Variants in RIC3 observed in about 807,000 individuals in gnomAD.
RIC3 encodes protein RIC-3.
RIC3 carries 28 observed loss-of-function variants against 27.3 expected under a neutral mutation model. That is an observed-to-expected ratio of 1.02 (90% CI 0.76 to 1.41). RIC3 has a LOEUF of 1.41. Ranked by LOEUF, RIC3 falls within the 40% of genes most tolerant of loss-of-function variation. RIC3 has a pLI of 0.00. For missense variants in RIC3, 501 were observed against 444.7 expected (o/e 1.13, Z -1.14); for synonymous variants, 184 against 160.4 (o/e 1.15, Z -1.11).
Position 8,145,879 on chromosome 11 carries a change from T to C in RIC3, c.125-5686A>G, listed in dbSNP as rs116067261. ...AATAGAAATAAAAAAATTGTTGGAT[T>C]TGACTTGAACAAAATTGACAAAGAT... is the stretch of plus-strand genomic sequence containing the variant. On this transcript the variant is annotated intron_variant, in intron 1 of 5. Transcript: ENST00000309737. 7.4e-3 allele frequency among the ~76,000 whole-genome samples: 1,124 copies of C among 152,268 alleles called. 15 individuals carry two copies. Among genetic ancestry groups the C allele is most frequent in the African/African-American group, 0.025 (1,046 of 41,554 alleles).
At position 8,162,030 on chromosome 11, in the gene RIC3, A is replaced by C. The variant is rs530767301; in HGVS notation, c.124+6836T>G. Among the ~76,000 whole-genome samples, 29 of 142,278 alleles carry C rather than the reference A, an allele frequency of 2.0e-4. No individual in the cohort carries two copies. The South Asian group carries it at 6.8e-3, about 33-fold the overall frequency. 93.3% of individuals were successfully genotyped at this position (142,278 alleles called of 152,430 possible). ...GGTAATGTCCGAAACTGTTGCTATA[A>C]ATGAGACACTCACTTTCTCCGGGCA... is the stretch of plus-strand genomic sequence containing the variant. On this transcript the variant is annotated intron_variant, in intron 1 of 5. Coordinates refer to ENST00000309737, the MANE Select transcript of RIC3 (RefSeq NM_001206671.4).
chr11:8,138,609 A>C (rs567274373), intron 2 of RIC3: 2 of 416,826 alleles, frequency 4.8e-6, no homozygotes, highest in East Asian at 8.2e-5. Flanking sequence ...AATTAGGAAT[A>C]GTAACTTCTC....
intron 1 of RIC3, 33 bp from the exon 2 acceptor site, chr11:8,140,226 T>C (rs1948897948): frequency 6.3e-7 from 1 of 1,579,252 alleles, no homozygotes; most frequent in African/African-American, 1.4e-5. Context: ...TTATCTCTTC[T>C]ACTATTTTAA....
intron 1 of RIC3, among the ~76,000 whole-genome samples, chr11:8,148,231 G>C (rs1758305880): frequency 6.6e-6 from 1 of 151,322 alleles, no homozygotes; most frequent in Non-Finnish European, 1.5e-5. Flanking sequence ...TAGAGACTGG[G>C]TCAGCAACAG....
At chr11:8,104,355 C>T (rs1355907487), downstream of RIC3, 3 of 152,320 alleles carry the variant, frequency 2.0e-5, no homozygotes, top group Non-Finnish European at 2.9e-5. Flanking sequence ...TGGTGAAGTT[C>T]ACTTCCCCAA....
chr11:8,150,607 A>G (rs562811580), intron 1 of RIC3, among the ~76,000 whole-genome samples: 6 of 152,218 alleles, frequency 3.9e-5, no homozygotes, highest in Non-Finnish European at 5.9e-5. Context: ...CCAATACCAA[A>G]AGGCTGGAAG....
chr11:8,147,397 A>G (rs1949803899), intron 1 of RIC3, among the ~76,000 whole-genome samples: 1 of 152,126 alleles, frequency 6.6e-6, no homozygotes. Flanking sequence ...GTTCACACTT[A>G]TCAGACTTAA....
chr11:8,096,645 T>C, the RIC3 span: 1 of 1,377,922 alleles, frequency 7.3e-7, no homozygotes, highest in Non-Finnish European at 1.0e-6. Context: ...CAGCGTAGAC[T>C]TCTCCTCCTT....
At chr11:8,159,600 T>C (rs992647657) in intron 1 of RIC3, among the ~76,000 whole-genome samples, 6 of 152,184 alleles carry the variant, frequency 3.9e-5, no homozygotes, top group African/African-American at 1.4e-4. Context: ...ACTGGTTGAA[T>C]GACCCTAAAC....
At position 8,128,254 on chromosome 11, in the gene RIC3, CAT is replaced by C. The variant is rs200468596; in HGVS notation, c.522-1449_522-1448del. 2,849 of 457,348 alleles carry C rather than the reference CAT, an allele frequency of 6.2e-3. 82 individuals are homozygous for C. The highest frequency in any genetic ancestry group is 0.055 in the Admixed American group (2,347 of 42,556). The allele number at this position is 457,348 out of a possible 1,614,324, so 28.3% of individuals were successfully genotyped here. On this transcript the variant is annotated intron_variant, in intron 4 of 5. Transcript: ENST00000309737. ...CAAACTCTTGTCTCTTCAGGCGGCA[CAT>C]GTTACTTTTCCAGACTGTACGCAGG...
intron 1 of RIC3, among the ~76,000 whole-genome samples, chr11:8,152,926 T>C (rs571937050): frequency 6.6e-6 from 1 of 152,060 alleles, no homozygotes; most frequent in African/African-American, 2.4e-5. Flanking sequence ...TTATATAGAG[T>C]TGATGAGTGA....
intron 4 of RIC3, among the ~76,000 whole-genome samples, chr11:8,132,546 C>T (rs1947863515): frequency 6.6e-6 from 1 of 152,168 alleles, no homozygotes; most frequent in African/African-American, 2.4e-5. Context: ...ACAAGACTGA[C>T]ATTCTAGGTT....
intron 1 of RIC3, among the ~76,000 whole-genome samples, chr11:8,156,133 C>G (rs1232204771): frequency 6.6e-6 from 1 of 152,238 alleles, no homozygotes. Context: ...TCCACACACT[C>G]AATACACATC....
intron 1 of RIC3, among the ~76,000 whole-genome samples, chr11:8,149,086 G>A (rs1267003673): frequency 2.0e-5 from 3 of 151,258 alleles, no homozygotes; most frequent in Non-Finnish European, 4.4e-5. Flanking sequence ...CCAGCTATTC[G>A]GGAGGCTGAG....
At chr11:8,128,321 T>C (rs1368634389) in intron 4 of RIC3, 3 of 455,106 alleles carry the variant, frequency 6.6e-6, no homozygotes, top group African/African-American at 6.0e-5. Flanking sequence ...CTTAATTCTG[T>C]TTCCTAAGTC....
chr11:8,145,549 A>T (rs1254958780), intron 1 of RIC3, among the ~76,000 whole-genome samples: 1 of 152,206 alleles, frequency 6.6e-6, no homozygotes, highest in African/African-American at 2.4e-5. Flanking sequence ...CCAATCAGCT[A>T]TAGCTGAACA....
At chr11:8,137,821 G>A (rs950114209) in intron 3 of RIC3, among the ~76,000 whole-genome samples, 1 of 152,110 alleles carries the variant, frequency 6.6e-6, no homozygotes, top group African/African-American at 2.4e-5. Flanking sequence ...ATAAATTCTT[G>A]AGGAAAGAGC....
intron 1 of RIC3, among the ~76,000 whole-genome samples, chr11:8,162,059 G>T (rs1951218491): frequency 6.6e-6 from 1 of 151,530 alleles, no homozygotes. Flanking sequence ...CCGGGCAATG[G>T]AATGTGAGGA....
chr11:8,097,695 C>T, the RIC3 span: 68 of 1,587,730 alleles, frequency 4.3e-5, 2 homozygotes, highest in South Asian at 4.8e-4. Flanking sequence ...TGGAATATGA[C>T]CTCATTCCAC....
Sources: gnomAD v4.1 joint callset for allele counts (sites outside exome capture counted in the v4.1 genomes callset) on GRCh38, gnomAD v4.1.1 for gene constraint, MANE v1.5 for transcripts, NCBI Gene and HGNC (gene_info 2026-07-23, HGNC 2026-07-21) for gene names.